The following XPNPEP3 variants were observed in gnomAD, a reference collection of about 807,000 sequenced individuals.
The protein encoded by XPNPEP3 is X-prolyl aminopeptidase 3, also known as xaa-Pro aminopeptidase 3.
XPNPEP3 carries 41 observed loss-of-function variants against 60.0 expected under a neutral mutation model. The observed-to-expected ratio is 0.68, with a 90% CI of 0.53 to 0.89. The LOEUF (loss-of-function observed/expected upper bound fraction) is 0.89, where lower values mean the gene tolerates loss of function less well. Ranked by LOEUF, XPNPEP3 falls within the 40% of genes least tolerant of loss-of-function variation. XPNPEP3 has a pLI of 0.00. For synonymous variants in XPNPEP3, 212 were observed against 223.2 expected, an observed-to-expected ratio of 0.95 and a Z score of 0.45; for missense variants, 598 against 638.9, an observed-to-expected ratio of 0.94 and a Z score of 0.69.
rs5995965 is a variant in XPNPEP3, at chr22:40,914,339, G to A, written c.1055+15G>A. Reference sequence around the variant, plus strand: ...GTCAATGGCAGGTAGGGCTTCTACAGAGTAACGTATCCCACTGCTTCTTAG... The same window carrying A: ...GTCAATGGCAGGTAGGGCTTCTACAAAGTAACGTATCCCACTGCTTCTTAG... On this transcript the variant is annotated intron_variant, in intron 7 of 9. Transcript: ENST00000357137. 1.3e-3 allele frequency: 2,125 copies of A among 1,606,512 alleles called. 21 individuals carry two copies. The African/African-American group carries it at 0.023, about 18-fold the overall frequency.
chr22:40,928,207 T>A lies in XPNPEP3; in HGVS notation c.*1772T>A, dbSNP rs1276205529. On this transcript the variant is annotated 3_prime_UTR_variant, in exon 10 of 10. Transcript: ENST00000357137. ...GTGGTAAAGAGTCATACTTCTTTTT[T>A]TTTTTTTTTTTTGGAGACAGAGTCT... 1 of 150,340 alleles carries A rather than the reference T, an allele frequency of 6.7e-6. No individual in the cohort carries two copies. 9.3% of individuals were successfully genotyped at this position (150,340 alleles called of 1,614,324 possible).
intron 2 of XPNPEP3, among the ~76,000 whole-genome samples, chr22:40,874,197 C>T (rs1352495054): frequency 6.6e-6 from 1 of 151,820 alleles, no homozygotes; most frequent in Non-Finnish European, 1.5e-5. Flanking sequence ...AGGTCAAGGC[C>T]GTAGTGAGCC....
intron 2 of XPNPEP3, among the ~76,000 whole-genome samples, chr22:40,871,348 G>GTC (rs1331314721): frequency 6.6e-6 from 1 of 152,036 alleles, no homozygotes; most frequent in Non-Finnish European, 1.5e-5. Context: ...ATGAGACCGT[G>GTC]TCTCTCTCTC....
At chr22:40,919,922 C>T (rs937792047) in intron 7 of XPNPEP3, among the ~76,000 whole-genome samples, 4 of 152,168 alleles carry the variant, frequency 2.6e-5, no homozygotes, top group African/African-American at 9.7e-5. Context: ...ACCTTCTACC[C>T]TCACTGAGCA....
At chr22:40,924,696 T>A (rs1168470266) in intron 9 of XPNPEP3, among the ~76,000 whole-genome samples, 1 of 152,148 alleles carries the variant, frequency 6.6e-6, no homozygotes, top group South Asian at 2.1e-4. Flanking sequence ...CTAATTTTTA[T>A]ATTTTTAGTA....
chr22:40,884,490 C>G (rs376401979), intron 3 of XPNPEP3, among the ~76,000 whole-genome samples: 1 of 151,090 alleles, frequency 6.6e-6, no homozygotes, highest in African/African-American at 2.4e-5. Context: ...CCACCATGCC[C>G]GGGGAATTTT....
intron 1 of XPNPEP3, among the ~76,000 whole-genome samples, chr22:40,863,204 T>C (rs980657670): frequency 7.2e-5 from 11 of 152,214 alleles, no homozygotes; most frequent in African/African-American, 2.7e-4. Flanking sequence ...ACATTTGTAA[T>C]GGATCAGTGG....
At chr22:40,873,610 C>A (rs1221485093) in intron 2 of XPNPEP3, among the ~76,000 whole-genome samples, 1 of 151,852 alleles carries the variant, frequency 6.6e-6, no homozygotes, top group African/African-American at 2.4e-5. Context: ...GACCTTATCT[C>A]TGCAAAAAAG....
intron 9 of XPNPEP3, among the ~76,000 whole-genome samples, chr22:40,925,486 GAT>G (rs1437626380): frequency 6.6e-6 from 1 of 152,150 alleles, no homozygotes; most frequent in Non-Finnish European, 1.5e-5. Flanking sequence ...TGTGGCCATA[GAT>G]ATATCATTTA....
chr22:40,865,425 T>C (rs1230559476), intron 1 of XPNPEP3, among the ~76,000 whole-genome samples: 8 of 150,940 alleles, frequency 5.3e-5, no homozygotes, highest in Non-Finnish European at 7.4e-5. Flanking sequence ...ACTTCCCAGG[T>C]TCAAGCCATT....
rs1050997893 is a variant in XPNPEP3 at position 40,932,435 on chromosome 22, C to A, written c.*6000C>A. 5 of 151,578 alleles carry A rather than the reference C, an allele frequency of 3.3e-5. No individual in the cohort carries two copies. The highest frequency in any genetic ancestry group is 7.4e-5 in the Non-Finnish European group (5 of 67,958). The allele number at this position is 151,578 out of a possible 1,614,324, so 9.4% of individuals were successfully genotyped here. The stretch of plus-strand genomic sequence containing the variant: ...ATAATTTGAGGTGTTTTTTATGCTC[C>A]TAATGAAAAGATGAATGAATGCATC... On this transcript the variant is annotated 3_prime_UTR_variant, in exon 10 of 10. Coordinates refer to ENST00000357137, the MANE Select transcript of XPNPEP3 (RefSeq NM_022098.4).
chr22:40,906,196 G>A (rs146940617), intron 4 of XPNPEP3, among the ~76,000 whole-genome samples: 15 of 152,154 alleles, frequency 9.9e-5, no homozygotes, highest in African/African-American at 3.1e-4. Flanking sequence ...TCATCTCAGC[G>A]TCCTGAAGTG....
rs969021886 is a variant in XPNPEP3 at position 40,886,408 on chromosome 22, A to C, written c.685A>C (p.Ser229Arg). Reference sequence around the variant, plus strand: ...GCCCCTGACTGAGGCCAAAGCCAAGAGCAAGAACAAGGTTCGGGGTGTTCA... The same window carrying C: ...GCCCCTGACTGAGGCCAAAGCCAAGCGCAAGAACAAGGTTCGGGGTGTTCA... Reference protein sequence around the residue: ...MQPLTEAKAKSKNKVRGVQQL... With the variant: ...MQPLTEAKAKRKNKVRGVQQL... Residue 229 changes from serine (S) to arginine (R), a missense_variant, in exon 4 of 10, where the codon AGC becomes CGC. Physicochemically the swap from Ser to Arg is moderately radical, Grantham distance 110. Coordinates refer to ENST00000357137, the MANE Select transcript of XPNPEP3 (RefSeq NM_022098.4). 5.6e-6 allele frequency: 9 copies of C among 1,614,088 alleles called. No individual in the cohort carries two copies. Among genetic ancestry groups the C allele is most frequent in the Non-Finnish European group, 7.6e-6 (9 of 1,180,044 alleles).
intron 4 of XPNPEP3, among the ~76,000 whole-genome samples, chr22:40,902,360 C>T (rs1277374182): frequency 2.0e-5 from 3 of 151,572 alleles, no homozygotes; most frequent in Non-Finnish European, 2.9e-5. Context: ...ACGCCATTCT[C>T]CTGCCTCAGC....
chr22:40,907,090 A>G (rs1412938014), intron 4 of XPNPEP3: 6 of 456,208 alleles, frequency 1.3e-5, no homozygotes, highest in African/African-American at 1.2e-4. Flanking sequence ...TTTGGAGGGG[A>G]CACATTCAAG....
intron 1 of XPNPEP3, among the ~76,000 whole-genome samples, chr22:40,864,939 T>C (rs1042872616): frequency 6.6e-6 from 1 of 152,174 alleles, no homozygotes; most frequent in Non-Finnish European, 1.5e-5. Flanking sequence ...CCTCTGACAC[T>C]ATGATACAGA....
In XPNPEP3 at chr22:40,926,559, G is replaced by C; in HGVS notation, c.*124G>C. The C allele has an allele frequency of 8.1e-7, 1 of 1,237,774 alleles. No individual in the cohort carries two copies. The highest frequency in any genetic ancestry group is 1.2e-6 in the Non-Finnish European group (1 of 846,556). The allele number at this position is 1,237,774 out of a possible 1,614,324, so 76.7% of individuals were successfully genotyped here. A position where few individuals can be genotyped will look rare whatever the true frequency, so the allele number is the denominator to read the frequency against. On this transcript the variant is annotated 3_prime_UTR_variant, in exon 10 of 10. Transcript: ENST00000357137. ...ATGCATTCCATTTGGGAGCATAGCA[G>C]CTGTGTGAATGTATGTAATTGTGTG... is the stretch of plus-strand genomic sequence containing the variant.
rs761099280 is a variant in XPNPEP3, at chr22:40,911,542, C to CT, written c.969+2321dup. Among the ~76,000 whole-genome samples the CT allele has an allele frequency of 3.0e-3, 411 of 137,508 alleles. 2 individuals carry two copies. Among genetic ancestry groups the CT allele is most frequent in the Middle Eastern group, 0.012 (3 of 256 alleles). The allele number at this position is 137,508 out of a possible 152,430, so 90.2% of individuals were successfully genotyped here. On this transcript the variant is annotated intron_variant, in intron 6 of 9. Coordinates refer to ENST00000357137, the MANE Select transcript of XPNPEP3 (RefSeq NM_022098.4). ...TATTGAGGCATTTTCTTTCTTCTTG[C>CT]TTTTTTTTTTTTTTCAGATGGAGTT...
chr22:40,864,204 A>T (rs1267255269), intron 1 of XPNPEP3, among the ~76,000 whole-genome samples: 1 of 152,158 alleles, frequency 6.6e-6, no homozygotes, highest in Non-Finnish European at 1.5e-5. Context: ...CCCATTTCAG[A>T]CCATATAGGG....
Sources: gnomAD v4.1 joint callset for allele counts (sites outside exome capture counted in the v4.1 genomes callset) on GRCh38, gnomAD v4.1.1 for gene constraint, MANE v1.5 for transcripts, NCBI Gene and HGNC (gene_info 2026-07-23, HGNC 2026-07-21) for gene names.